Variants in CFHR5 observed in about 807,000 individuals in gnomAD.
CFHR5 encodes complement factor H related 5.
CFHR5 carries 73 observed loss-of-function variants against 62.9 expected under a neutral mutation model. The ratio of observed to expected loss-of-function variants is 1.16; its 90% CI spans 0.96 to 1.41. CFHR5 has a LOEUF of 1.41. Ranked by LOEUF, CFHR5 falls within the 40% of genes most tolerant of loss-of-function variation. The probability of loss-of-function intolerance (pLI) is 0.00; values close to 1 mark genes in which losing one functional copy is unlikely to be tolerated. For synonymous variants in CFHR5, 249 were observed against 227.2 expected (o/e 1.10, Z -0.86); for missense variants, 779 against 679.9 (o/e 1.15, Z -1.62).
chr1:196,997,156 A>G (rs1553315098), intron 6 of CFHR5, among the ~76,000 whole-genome samples: 1 of 152,070 alleles, frequency 6.6e-6, no homozygotes, highest in Non-Finnish European at 1.5e-5. Context: ...TGGATAATCA[A>G]CTGGCCCACT....
At chr1:196,980,138 GA>G (rs1298034047) in intron 1 of CFHR5, among the ~76,000 whole-genome samples, 1 of 152,036 alleles carries the variant, frequency 6.6e-6, no homozygotes, top group East Asian at 1.9e-4. Flanking sequence ...TGTTCCACTA[GA>G]AGGTCTTTAG....
At chr1:196,977,388 C>T (rs1360713009), upstream of CFHR5, among the ~76,000 whole-genome samples, 1 of 151,688 alleles carries the variant, frequency 6.6e-6, no homozygotes, top group Non-Finnish European at 1.5e-5. Context: ...GACTCGGTGA[C>T]TACAACAAGG....
At chr1:196,984,746 C>T (rs886094241) in intron 3 of CFHR5, among the ~76,000 whole-genome samples, 11 of 152,170 alleles carry the variant, frequency 7.2e-5, no homozygotes, top group African/African-American at 2.2e-4. Flanking sequence ...CCTATGCTTA[C>T]ACACCTCAGT....
chr1:196,995,915 C>T lies in CFHR5; in HGVS notation c.790+16C>T. On this transcript the variant is annotated intron_variant, in intron 5 of 9. Coordinates refer to ENST00000256785, the MANE Select transcript of CFHR5 (RefSeq NM_030787.4). ...ACTTGTGTTGGTAAATAAATATTAACATTTAAACAGGACAGTTACTATTAC... is the reference window on the plus strand; with the variant it reads ...ACTTGTGTTGGTAAATAAATATTAATATTTAAACAGGACAGTTACTATTAC... The T allele has an allele frequency of 8.1e-6, 13 of 1,605,840 alleles. No individual in the cohort carries two copies. The highest frequency in any genetic ancestry group is 1.0e-5 in the Non-Finnish European group (12 of 1,172,764).
intron 7 of CFHR5, among the ~76,000 whole-genome samples, chr1:196,999,728 C>T (rs1458014211): frequency 1.3e-3 from 91 of 71,238 alleles, no homozygotes; most frequent in East Asian, 3.0e-3. Context: ...TATATACACA[C>T]ACACACATAT....
intron 7 of CFHR5, among the ~76,000 whole-genome samples, chr1:197,000,291 A>T (rs778986451): frequency 5.3e-5 from 8 of 152,098 alleles, no homozygotes; most frequent in Non-Finnish European, 8.8e-5. Flanking sequence ...TGTTCTTGAG[A>T]AAAATAATAA....
At chr1:196,989,698 CCTGGGTTCTAA>C (rs1349953662) in intron 3 of CFHR5, among the ~76,000 whole-genome samples, 1 of 152,126 alleles carries the variant, frequency 6.6e-6, no homozygotes, top group East Asian at 1.9e-4. Flanking sequence ...GTTTCTTAAT[CCTGGGTTCTAA>C]CTTGCTTGCA....
At chr1:196,990,220 T>G (rs1653809826) in intron 3 of CFHR5, among the ~76,000 whole-genome samples, 1 of 152,108 alleles carries the variant, frequency 6.6e-6, no homozygotes, top group Non-Finnish European at 1.5e-5. Flanking sequence ...TTCCATTTGC[T>G]TGGTAGATAT....
chr1:196,983,740 T>C (rs1017696518), intron 2 of CFHR5, among the ~76,000 whole-genome samples: 1 of 152,116 alleles, frequency 6.6e-6, no homozygotes. Flanking sequence ...ATTTTTATTA[T>C]AAAAACCATA....
Position 196,977,715 on chromosome 1 carries a change from G to A in CFHR5, c.51G>A (p.Gly17=), listed in dbSNP as rs886045748. The change falls in exon 1 of 10, where the codon GGG becomes GGA. Residue 17 remains glycine (G), a synonymous_variant. Coordinates refer to ENST00000256785, the MANE Select transcript of CFHR5 (RefSeq NM_030787.4). ...VILISWVSTV[G]GEGTLCDFPK... ...TAATCTCATGGGTATCCACTGTTGG[G>A]GGAGAAGGTAAGTTGAAAACAGATC... is the stretch of plus-strand genomic sequence containing the variant. The A allele has an allele frequency of 6.2e-7, 1 of 1,611,996 alleles. No homozygotes were observed. The highest frequency in any genetic ancestry group is 1.1e-5 in the South Asian group (1 of 90,938).
At chr1:196,979,981 A>G (rs1306670525) in intron 1 of CFHR5, among the ~76,000 whole-genome samples, 1 of 151,952 alleles carries the variant, frequency 6.6e-6, no homozygotes, top group African/African-American at 2.4e-5. Flanking sequence ...TTTTCTTTCT[A>G]TCCTTATTCT....
intron 7 of CFHR5, among the ~76,000 whole-genome samples, chr1:197,001,090 T>G (rs1378874345): frequency 1.3e-5 from 2 of 152,194 alleles, no homozygotes; most frequent in African/African-American, 4.8e-5. Context: ...CACAAAAGAC[T>G]GGTCTTGTTA....
At chr1:196,989,872 G>A (rs963766591) in intron 3 of CFHR5, among the ~76,000 whole-genome samples, 1 of 152,170 alleles carries the variant, frequency 6.6e-6, no homozygotes, top group Non-Finnish European at 1.5e-5. Context: ...GAGTTCTGTA[G>A]ATGTCTATTA....
At chr1:196,977,261 T>C (rs1344887825), upstream of CFHR5, among the ~76,000 whole-genome samples, 1 of 150,960 alleles carries the variant, frequency 6.6e-6, no homozygotes, top group East Asian at 2.0e-4. Context: ...TTGCACTTGC[T>C]TGCCTTTTGA....
chr1:196,978,829 G>T (rs553140547), intron 1 of CFHR5, among the ~76,000 whole-genome samples: 2 of 152,240 alleles, frequency 1.3e-5, no homozygotes, highest in South Asian at 4.2e-4. Context: ...CTAAAGGGGG[G>T]TGGAAGCAGA....
chr1:196,991,182 C>T (rs113801316), intron 3 of CFHR5, among the ~76,000 whole-genome samples: 44 of 152,168 alleles, frequency 2.9e-4, no homozygotes, highest in African/African-American at 9.6e-4. Context: ...ACATGCATCA[C>T]GTAGTTCTCG....
intron 7 of CFHR5, among the ~76,000 whole-genome samples, chr1:197,000,211 C>T (rs559762550): frequency 4.7e-4 from 72 of 152,030 alleles, no homozygotes; most frequent in South Asian, 1.0e-3. Context: ...TTGAGAAGAG[C>T]TGGTAGCTAG....
intron 3 of CFHR5, among the ~76,000 whole-genome samples, 190 bp downstream of exon 3, chr1:196,984,327 C>G (rs1006793671): frequency 1.3e-5 from 2 of 151,964 alleles, no homozygotes; most frequent in Non-Finnish European, 2.9e-5. Flanking sequence ...ATCAAATGTA[C>G]GTAATAAGAA....
rs948882659 is a variant in CFHR5 at position 197,008,769 on chromosome 1, C to G, written c.*86C>G. On this transcript the variant is annotated 3_prime_UTR_variant, in exon 10 of 10. Coordinates refer to ENST00000256785, the MANE Select transcript of CFHR5 (RefSeq NM_030787.4). ...TATGTAGCCAATTCTGTAGTTACTTCTTTTATTCTTTCAGGTGTTGTTTAA... is the reference window on the plus strand; with the variant it reads ...TATGTAGCCAATTCTGTAGTTACTTGTTTTATTCTTTCAGGTGTTGTTTAA... 8.3e-6 allele frequency: 9 copies of G among 1,081,952 alleles called. No homozygotes were observed. Among genetic ancestry groups the G allele is most frequent in the Admixed American group, 1.8e-5 (1 of 55,794 alleles). 67.0% of individuals were successfully genotyped at this position (1,081,952 alleles called of 1,614,324 possible).
Sources: allele counts gnomAD v4.1 joint callset (sites outside exome capture counted in the v4.1 genomes callset), GRCh38; gene constraint gnomAD v4.1.1; transcripts MANE v1.5; gene names NCBI Gene and HGNC (gene_info 2026-07-23, HGNC 2026-07-21).